Variants in UVRAG observed in about 807,000 individuals in gnomAD.
UVRAG encodes UV radiation resistance-associated gene protein.
UVRAG carries 19 observed loss-of-function variants against 78.0 expected under a neutral mutation model. The ratio of observed to expected loss-of-function variants is 0.24; its 90% CI spans 0.17 to 0.36. UVRAG has a LOEUF of 0.36. Among genes scored for constraint, UVRAG ranks in the 10% least tolerant of loss-of-function variants. The pLI is 1.00. For synonymous variants in UVRAG, 323 were observed against 324.6 expected (o/e 1.00, Z 0.05); for missense variants, 740 against 853.8 (o/e 0.87, Z 1.66).
At chr11:76,043,768 A>C (rs1828409294) in intron 12 of UVRAG, among the ~76,000 whole-genome samples, 1 of 152,214 alleles carries the variant, frequency 6.6e-6, no homozygotes, top group South Asian at 2.1e-4. Flanking sequence ...TCAAATTATG[A>C]CATACATATG....
chr11:75,834,255 TA>T lies in UVRAG; in HGVS notation c.118-17618del, dbSNP rs908764300. ...TAGCATAATACAGACCCTGCTCCCT[TA>T]AAAAAAAAATAGGACATTCCTCATT... On this transcript the variant is annotated intron_variant, in intron 1 of 14. Coordinates refer to ENST00000356136, the MANE Select transcript of UVRAG (RefSeq NM_003369.4). Among the ~76,000 whole-genome samples the T allele has an allele frequency of 7.3e-4, 108 of 148,600 alleles. 1 individual carries two copies. Among genetic ancestry groups the T allele is most frequent in the Middle Eastern group, 6.9e-3 (2 of 290 alleles).
chr11:75,828,731 G>GTATATATATATATATACACACACATA (rs1310470210), intron 1 of UVRAG, among the ~76,000 whole-genome samples: 10 of 110,798 alleles, frequency 9.0e-5, no homozygotes, highest in South Asian at 5.7e-4. Context: ...ATGTGTGTGT[G>GTATATATATATATATACACACACATA]TATATATATA....
At chr11:75,869,564 G>C (rs988205802) in intron 3 of UVRAG, among the ~76,000 whole-genome samples, 1 of 152,140 alleles carries the variant, frequency 6.6e-6, no homozygotes, top group African/African-American at 2.4e-5. Context: ...ATGATTTGAA[G>C]GGAGACAGAG....
intron 8 of UVRAG, among the ~76,000 whole-genome samples, chr11:76,003,288 T>TTTTTTTTTTTTTG (rs1491521163): frequency 2.6e-4 from 16 of 62,550 alleles, no homozygotes; most frequent in African/African-American, 8.5e-4. Flanking sequence ...TTTTTTTTTT[T>TTTTTTTTTTTTTG]GGAGACAGAG....
At chr11:75,983,731 C>T (rs571658082) in intron 8 of UVRAG, 1 of 489,726 alleles carries the variant, frequency 2.0e-6, no homozygotes, top group Non-Finnish European at 3.3e-6. Flanking sequence ...ACTACTACTA[C>T]ACACCTAGGC....
chr11:75,900,138 CA>C (rs1166386023), intron 5 of UVRAG, among the ~76,000 whole-genome samples: 1 of 152,064 alleles, frequency 6.6e-6, no homozygotes, highest in African/African-American at 2.4e-5. Flanking sequence ...AATTCAAAGC[CA>C]AGTATGGTTC....
intron 13 of UVRAG, among the ~76,000 whole-genome samples, chr11:76,095,870 CAAAAAAA>C (rs747792893): frequency 2.2e-5 from 1 of 45,960 alleles, no homozygotes; most frequent in African/African-American, 7.4e-5. Flanking sequence ...GACTCTGTCT[CAAAAAAA>C]AAAAAAAAAA....
At chr11:76,012,797 T>TGTG (rs1950075660) in intron 11 of UVRAG, 3 of 125,554 alleles carry the variant, frequency 2.4e-5, no homozygotes, top group Admixed American at 1.7e-4. Flanking sequence ...AAAAAAATGT[T>TGTG]TGTGTGTGTG....
At chr11:76,116,138 G>A (rs1952176976) in intron 14 of UVRAG, 123 bp downstream of exon 14, 1 of 898,288 alleles carries the variant, frequency 1.1e-6, no homozygotes, top group Non-Finnish European at 1.7e-6. Context: ...GATATGGGAG[G>A]AAAATGAAAG....
At chr11:76,034,601 G>A (rs1950497916) in intron 12 of UVRAG, among the ~76,000 whole-genome samples, 1 of 152,108 alleles carries the variant, frequency 6.6e-6, no homozygotes, top group Admixed American at 6.5e-5. Flanking sequence ...TAAGGTCAAT[G>A]TGGGTGGTTA....
At chr11:75,962,152 T>A (rs944060493) in intron 7 of UVRAG, among the ~76,000 whole-genome samples, 8 of 152,194 alleles carry the variant, frequency 5.3e-5, no homozygotes, top group Non-Finnish European at 1.2e-4. Context: ...CTTTTTTTTT[T>A]AAAAGCCACT....
intron 8 of UVRAG, among the ~76,000 whole-genome samples, chr11:75,997,901 A>G (rs1164828065): frequency 6.6e-6 from 1 of 152,132 alleles, no homozygotes. Context: ...TTTCTATAAC[A>G]TTTGCTGTAG....
chr11:75,926,644 G>T (rs2135088075), intron 6 of UVRAG, among the ~76,000 whole-genome samples: 1 of 152,236 alleles, frequency 6.6e-6, no homozygotes, highest in Admixed American at 6.5e-5. Context: ...TAGTCTTCCT[G>T]GACTTTGTGT....
intron 13 of UVRAG, 159 bp from the exon 14 acceptor site, chr11:76,115,765 A>G (rs543608602): frequency 4.7e-6 from 3 of 632,012 alleles, no homozygotes; most frequent in Non-Finnish European, 8.2e-6. Flanking sequence ...TCTATATGTC[A>G]AATACCCAGT....
At chr11:76,110,870 T>C (rs1380133093) in intron 13 of UVRAG, among the ~76,000 whole-genome samples, 1 of 152,152 alleles carries the variant, frequency 6.6e-6, no homozygotes. Context: ...TTTTATTTGT[T>C]TGTTTGCTTG....
intron 6 of UVRAG, among the ~76,000 whole-genome samples, chr11:75,946,178 T>C (rs1322193333): frequency 6.6e-6 from 1 of 152,158 alleles, no homozygotes; most frequent in African/African-American, 2.4e-5. Flanking sequence ...GCACAGACTG[T>C]CTGCAATGTT....
chr11:75,881,056 C>T (rs564075339), intron 4 of UVRAG, among the ~76,000 whole-genome samples: 6 of 150,282 alleles, frequency 4.0e-5, no homozygotes, highest in East Asian at 2.0e-4. Flanking sequence ...TGATCCTTTC[C>T]GCCTCAGCCT....
At chr11:75,982,251 C>T (rs866883828) in intron 7 of UVRAG, among the ~76,000 whole-genome samples, 7 of 152,280 alleles carry the variant, frequency 4.6e-5, no homozygotes, top group Admixed American at 1.3e-4. Context: ...TATAGAAGTC[C>T]AGATTCCCTA....
intron 13 of UVRAG, among the ~76,000 whole-genome samples, chr11:76,068,146 A>T (rs1951230958): frequency 6.6e-6 from 1 of 152,192 alleles, no homozygotes; most frequent in African/African-American, 2.4e-5. Context: ...AAAGGATGGT[A>T]TGCCAAAAGA....
Sources: gnomAD v4.1 joint callset for allele counts (sites outside exome capture counted in the v4.1 genomes callset) on GRCh38, gnomAD v4.1.1 for gene constraint, MANE v1.5 for transcripts, NCBI Gene and HGNC (gene_info 2026-07-23, HGNC 2026-07-21) for gene names.